Variants in EXT1 observed in about 807,000 individuals in gnomAD.
EXT1 encodes the protein exostosin-1.
Under a neutral mutation model 82.5 loss-of-function variants are expected in EXT1, and 20 were observed. The observed-to-expected ratio is 0.24, with a 90% CI of 0.17 to 0.35. The LOEUF (loss-of-function observed/expected upper bound fraction) is 0.35. Among genes scored for constraint, EXT1 ranks in the 10% least tolerant of loss-of-function variants. EXT1 has a pLI of 1.00. For missense variants in EXT1, 757 were observed against 936.5 expected, an observed-to-expected ratio of 0.81 and a Z score of 2.50; for synonymous variants, 348 against 350.8, an observed-to-expected ratio of 0.99 and a Z score of 0.09.
At chr8:117,910,141 T>C (rs1418026251) in intron 1 of EXT1, among the ~76,000 whole-genome samples, 1 of 152,172 alleles carries the variant, frequency 6.6e-6, no homozygotes, top group African/African-American at 2.4e-5. Flanking sequence ...GCATTCCATT[T>C]CCTCTAATAA....
chr8:117,878,933 A>T (rs1813015343), intron 1 of EXT1, among the ~76,000 whole-genome samples: 1 of 152,242 alleles, frequency 6.6e-6, no homozygotes, highest in Non-Finnish European at 1.5e-5. Context: ...GGTGAGACCC[A>T]CGCTGTAGAG....
chr8:117,820,692 G>A (rs184140066), intron 5 of EXT1, among the ~76,000 whole-genome samples: 170 of 149,890 alleles, frequency 1.1e-3, no homozygotes, highest in Non-Finnish European at 1.8e-3. Flanking sequence ...GCAAGACTCC[G>A]TCTTAGAAAA....
At chr8:117,915,854 T>TAAAA (rs1813738393) in intron 1 of EXT1, among the ~76,000 whole-genome samples, 3 of 88,542 alleles carry the variant, frequency 3.4e-5, no homozygotes. Flanking sequence ...AGACTCTGTC[T>TAAAA]CAAACAAAAC....
intron 1 of EXT1, among the ~76,000 whole-genome samples, chr8:118,046,391 G>A (rs193008587): frequency 3.3e-5 from 5 of 152,212 alleles, no homozygotes; most frequent in Admixed American, 1.3e-4. Context: ...CACTGGGCCC[G>A]GTGGTGTGCA....
At chr8:117,961,846 C>A (rs1274508054) in intron 1 of EXT1, among the ~76,000 whole-genome samples, 1 of 152,168 alleles carries the variant, frequency 6.6e-6, no homozygotes, top group Admixed American at 6.5e-5. Flanking sequence ...CTAAACAACT[C>A]CTTTCATGGT....
At chr8:117,863,508 T>C (rs752010662) in intron 1 of EXT1, among the ~76,000 whole-genome samples, 8 of 147,150 alleles carry the variant, frequency 5.4e-5, no homozygotes, top group Admixed American at 2.8e-4. Flanking sequence ...AAATAAGAAA[T>C]CCACAATCTG....
chr8:117,916,263 G>A lies in EXT1; in HGVS notation c.963-79062C>T, dbSNP rs1321310193. Among the ~76,000 whole-genome samples, 5 of 152,134 alleles carry A rather than the reference G, an allele frequency of 3.3e-5. No homozygotes were observed. In the East Asian group the frequency reaches 7.7e-4, roughly 23 times the overall value. On this transcript the variant is annotated intron_variant, in intron 1 of 10. Coordinates refer to ENST00000378204, the MANE Select transcript of EXT1 (RefSeq NM_000127.3). ...GTGGTAATGGGACCGATAATTCCAT[G>A]CTGCAAATGTTTCCTCCTCTCTTCT...
intron 1 of EXT1, among the ~76,000 whole-genome samples, chr8:117,891,983 T>C (rs1813252694): frequency 6.6e-6 from 1 of 152,018 alleles, no homozygotes; most frequent in Non-Finnish European, 1.5e-5. Flanking sequence ...ATTTTTGTAT[T>C]TTTAGTAGAG....
chr8:118,101,115 C>T (rs1176289490), intron 1 of EXT1, among the ~76,000 whole-genome samples: 1 of 152,202 alleles, frequency 6.6e-6, no homozygotes, highest in Non-Finnish European at 1.5e-5. Flanking sequence ...CTGTAGAACA[C>T]ATTAATGTTT....
At position 117,996,090 on chromosome 8, in the gene EXT1, C is replaced by T. The variant is rs557586380; in HGVS notation, c.962+113995G>A. 4.6e-5 allele frequency among the ~76,000 whole-genome samples: 7 copies of T among 152,202 alleles called. 1 individual carries two copies. The South Asian group carries it at 1.5e-3, about 32-fold the overall frequency. ...GAATCCAGACAGGATAAATATAATA[C>T]AGTGGAAGCAAGATTGCTGGCTCCA... On this transcript the variant is annotated intron_variant, in intron 1 of 10. Transcript: ENST00000378204.
chr8:117,979,752 C>T (rs1308010364), intron 1 of EXT1, among the ~76,000 whole-genome samples: 1 of 152,162 alleles, frequency 6.6e-6, no homozygotes, highest in Admixed American at 6.6e-5. Flanking sequence ...AATGACTCTT[C>T]GTCTTTCCAA....
At chr8:118,040,784 T>C (rs1816513829) in intron 1 of EXT1, among the ~76,000 whole-genome samples, 1 of 152,342 alleles carries the variant, frequency 6.6e-6, no homozygotes, top group African/African-American at 2.4e-5. Flanking sequence ...TAGAAAATGT[T>C]TGCGAATGAG....
At chr8:117,923,584 G>A (rs1453580115) in intron 1 of EXT1, among the ~76,000 whole-genome samples, 1 of 151,856 alleles carries the variant, frequency 6.6e-6, no homozygotes, top group Non-Finnish European at 1.5e-5. Flanking sequence ...AAATTAGCCA[G>A]GCATGGTGGC....
rs1021514554 is a variant in EXT1 at position 118,052,893 on chromosome 8, T to C, written c.962+57192A>G. ...ATGGCTCCAGGACACCTCCTTTGTG[T>C]GCTTGGAATGTGAAGAATTTAGGAG... On this transcript the variant is annotated intron_variant, in intron 1 of 10. Coordinates refer to ENST00000378204, the MANE Select transcript of EXT1 (RefSeq NM_000127.3). 2.6e-5 allele frequency among the ~76,000 whole-genome samples: 4 copies of C among 152,200 alleles called. No individual in the cohort carries two copies. The East Asian group carries it at 7.7e-4, about 29-fold the overall frequency.
intron 1 of EXT1, among the ~76,000 whole-genome samples, chr8:117,948,102 A>G (rs115584447): frequency 0.013 from 2,009 of 152,196 alleles, 37 homozygotes; most frequent in East Asian, 0.042. Context: ...CCTCTTTCCA[A>G]AAAAGATTTA....
At chr8:117,993,799 C>T (rs576790021) in intron 1 of EXT1, among the ~76,000 whole-genome samples, 1 of 152,310 alleles carries the variant, frequency 6.6e-6, no homozygotes, top group African/African-American at 2.4e-5. Flanking sequence ...CTAAAAATGT[C>T]CTGGTTATCT....
chr8:117,915,582 C>T (rs117861800), intron 1 of EXT1, among the ~76,000 whole-genome samples: 3,460 of 152,288 alleles, frequency 0.023, 59 homozygotes, highest in Non-Finnish European at 0.033. Flanking sequence ...AGGTCAGGCA[C>T]GGTGGCTTAT....
chr8:118,074,257 A>C (rs1378650271), intron 1 of EXT1, among the ~76,000 whole-genome samples: 1 of 152,200 alleles, frequency 6.6e-6, no homozygotes, highest in East Asian at 1.9e-4. Flanking sequence ...TGCTCCAGAC[A>C]CGGTAAATCT....
At chr8:117,848,163 G>A (rs9792392) in intron 1 of EXT1, among the ~76,000 whole-genome samples, 14,354 of 152,252 alleles carry the variant, frequency 0.094, 942 homozygotes, top group African/African-American at 0.19. Flanking sequence ...AATCTTTCCC[G>A]TCTGGGTATG....
Sources: allele counts gnomAD v4.1 joint callset (sites outside exome capture counted in the v4.1 genomes callset), GRCh38; gene constraint gnomAD v4.1.1; transcripts MANE v1.5; gene names NCBI Gene and HGNC (gene_info 2026-07-23, HGNC 2026-07-21).